AK9: variants seen among roughly 807,000 people sequenced by gnomAD.
AK9 encodes the protein adenylate kinase domain containing 1.
AK9 carries 191 observed loss-of-function variants against 239.6 expected under a neutral mutation model. The observed-to-expected ratio is 0.80, with a 90% CI of 0.71 to 0.90. The LOEUF is 0.90. Ranked by LOEUF, AK9 falls within the 40% of genes least tolerant of loss-of-function variation. The pLI is 0.00. For synonymous variants in AK9, 689 were observed against 721.0 expected (o/e 0.96, Z 0.71); for missense variants, 1,995 against 2,214.7 (o/e 0.90, Z 1.99).
chr6:109,653,866 T>C (rs1175992614), intron 8 of AK9, among the ~76,000 whole-genome samples: 1 of 152,160 alleles, frequency 6.6e-6, no homozygotes, highest in Non-Finnish European at 1.5e-5. Context: ...AAGATTATAT[T>C]AATATTCTTC....
intron 8 of AK9, among the ~76,000 whole-genome samples, chr6:109,645,676 T>A (rs1797966802): frequency 6.6e-6 from 1 of 152,200 alleles, no homozygotes; most frequent in Non-Finnish European, 1.5e-5. Context: ...GACTTAAACG[T>A]CCCTGTCTGA....
At chr6:109,606,341 C>T (rs1158634205) in intron 17 of AK9, among the ~76,000 whole-genome samples, 1 of 151,634 alleles carries the variant, frequency 6.6e-6, no homozygotes, top group African/African-American at 2.4e-5. Context: ...TAGGACATGA[C>T]CCAGAGAGAT....
At chr6:109,615,806 T>C (rs1329539614) in intron 13 of AK9, among the ~76,000 whole-genome samples, 1 of 152,078 alleles carries the variant, frequency 6.6e-6, no homozygotes, top group African/African-American at 2.4e-5. Context: ...TCCCAATTTA[T>C]GTAAAAAGTT....
intron 29 of AK9, among the ~76,000 whole-genome samples, chr6:109,527,427 C>G (rs555238875): frequency 2.6e-4 from 40 of 152,188 alleles, no homozygotes; most frequent in African/African-American, 9.1e-4. Flanking sequence ...TGTGAGAAAC[C>G]CCCCTGGATC....
intron 25 of AK9, among the ~76,000 whole-genome samples, chr6:109,548,491 A>G: frequency 6.6e-6 from 1 of 152,202 alleles, no homozygotes; most frequent in East Asian, 1.9e-4. Context: ...TTCCAAATGG[A>G]CAATTTGTTT....
In AK9 at chr6:109,690,990, G is replaced by C. The variant is rs575311655; in HGVS notation, c.-12+157C>G. ...AGGAAAATGGGCCGCAGCAGGCAGGGAAAACACAAGGATCTATCCTGCAAC... is the reference window on the plus strand; with the variant it reads ...AGGAAAATGGGCCGCAGCAGGCAGGCAAAACACAAGGATCTATCCTGCAAC... On this transcript the variant is annotated intron_variant, in intron 1 of 40. Transcript: ENST00000424296. Among the ~76,000 whole-genome samples the C allele has an allele frequency of 4.6e-5, 7 of 152,300 alleles. 1 individual carries two copies. Among genetic ancestry groups the C allele is most frequent in the African/African-American group, 1.7e-4 (7 of 41,570 alleles).
intron 24 of AK9, among the ~76,000 whole-genome samples, chr6:109,560,460 T>C (rs996371634): frequency 6.6e-6 from 1 of 152,204 alleles, no homozygotes; most frequent in Non-Finnish European, 1.5e-5. Flanking sequence ...CCTTCATTTT[T>C]TTTTCTTACC....
intron 17 of AK9, among the ~76,000 whole-genome samples, chr6:109,606,476 C>T (rs1229616814): frequency 1.3e-5 from 2 of 152,170 alleles, no homozygotes; most frequent in Non-Finnish European, 2.9e-5. Context: ...CAGAGCAAAT[C>T]ATGTTAATGA....
chr6:109,614,103 G>C lies in AK9; in HGVS notation c.1609+80C>G. 5 of 1,354,788 alleles carry C rather than the reference G, an allele frequency of 3.7e-6. No individual in the cohort carries two copies. The South Asian group carries it at 5.2e-5, about 14-fold the overall frequency. 83.9% of individuals were successfully genotyped at this position (1,354,788 alleles called of 1,614,324 possible). ...TTTCCAATTTTGGGGGTAATTTTAA[G>C]CATAAATATAAACATAATCAAATAT... is the stretch of plus-strand genomic sequence containing the variant. On this transcript the variant is annotated intron_variant, in intron 15 of 40. Transcript: ENST00000424296.
At chr6:109,588,429 T>C (rs1362904156) in intron 17 of AK9, among the ~76,000 whole-genome samples, 3 of 152,206 alleles carry the variant, frequency 2.0e-5, no homozygotes, top group Non-Finnish European at 4.4e-5. Context: ...TTGGCCCACT[T>C]TTTAATGGGG....
intron 19 of AK9, among the ~76,000 whole-genome samples, chr6:109,580,745 G>A (rs527361391): frequency 4.6e-5 from 7 of 152,204 alleles, no homozygotes; most frequent in African/African-American, 1.2e-4. Flanking sequence ...AAGTCTTGGC[G>A]TAATTCAAGT....
chr6:109,680,599 A>G (rs929005727), intron 1 of AK9, among the ~76,000 whole-genome samples: 2 of 152,210 alleles, frequency 1.3e-5, no homozygotes, highest in South Asian at 2.1e-4. Context: ...CAGGAAATAC[A>G]GAGAACACCA....
chr6:109,568,630 CAAT>C (rs1356458913), intron 21 of AK9, among the ~76,000 whole-genome samples: 6 of 152,120 alleles, frequency 3.9e-5, no homozygotes, highest in African/African-American at 1.2e-4. Flanking sequence ...TCCTATACAC[CAAT>C]AACAGACAAA....
At chr6:109,597,435 G>A (rs962810993) in intron 17 of AK9, among the ~76,000 whole-genome samples, 1 of 152,094 alleles carries the variant, frequency 6.6e-6, no homozygotes, top group Non-Finnish European at 1.5e-5. Context: ...CACTTTGGGA[G>A]GCCGAGGCGG....
intron 28 of AK9, among the ~76,000 whole-genome samples, chr6:109,531,486 T>C (rs1201618303): frequency 1.3e-5 from 2 of 152,136 alleles, no homozygotes; most frequent in Non-Finnish European, 2.9e-5. Context: ...ACAGCTGTTC[T>C]GTCCAGTACA....
At chr6:109,630,287 A>G (rs1429301866) in intron 12 of AK9, among the ~76,000 whole-genome samples, 1 of 152,154 alleles carries the variant, frequency 6.6e-6, no homozygotes, top group Non-Finnish European at 1.5e-5. Context: ...TAAATGGCAA[A>G]ATGTATCATG....
intron 12 of AK9, among the ~76,000 whole-genome samples, chr6:109,628,422 C>T (rs1795778219): frequency 6.6e-6 from 1 of 152,180 alleles, no homozygotes; most frequent in African/African-American, 2.4e-5. Flanking sequence ...AAGCACCATG[C>T]TCTGCTTGTC....
Position 109,508,576 on chromosome 6 carries a change from T to G in AK9, c.4481+603A>C, listed in dbSNP as rs947836078. ...CAAAGAGGCTTCTAATAGAAAACCT[T>G]GAGTAAATCAGGGGGGTTCTAGGTC... On this transcript the variant is annotated intron_variant, in intron 33 of 40. Transcript: ENST00000424296. Among the ~76,000 whole-genome samples the G allele has an allele frequency of 3.7e-4, 56 of 151,174 alleles. 1 individual carries two copies. The highest frequency in any genetic ancestry group is 1.3e-3 in the African/African-American group (54 of 41,370).
chr6:109,573,390 C>T, intron 21 of AK9, 52 bp downstream of exon 21: 1 of 1,486,996 alleles, frequency 6.7e-7, no homozygotes, highest in Non-Finnish European at 9.0e-7. Context: ...CCCAAACAGA[C>T]ACATTAATGC....
Sources: allele counts gnomAD v4.1 joint callset (sites outside exome capture counted in the v4.1 genomes callset), GRCh38; gene constraint gnomAD v4.1.1; transcripts MANE v1.5; gene names NCBI Gene and HGNC (gene_info 2026-07-23, HGNC 2026-07-21).